The following WWOX variants were observed in gnomAD, a reference collection of about 807,000 sequenced individuals.
The protein encoded by WWOX is WW domain-containing oxidoreductase.
A neutral mutation model predicts 46.2 loss-of-function variants in WWOX; 69 were observed. The ratio of observed to expected loss-of-function variants is 1.49; its 90% CI spans 1.23 to 1.82. The LOEUF (loss-of-function observed/expected upper bound fraction) is 1.82. Ranked by LOEUF, WWOX falls within the 40% of genes most tolerant of loss-of-function variation. WWOX has a pLI of 0.00. For missense variants in WWOX, 919 were observed against 542.6 expected, an observed-to-expected ratio of 1.69 and a Z score of -6.89; for synonymous variants, 359 against 202.6, an observed-to-expected ratio of 1.77 and a Z score of -6.56.
At chr16:78,107,517 G>T (rs139200027) in intron 1 of WWOX, among the ~76,000 whole-genome samples, 1 of 152,212 alleles carries the variant, frequency 6.6e-6, no homozygotes, top group Non-Finnish European at 1.5e-5. Flanking sequence ...TTTTGCAGAT[G>T]AGGGGATGGA....
At chr16:78,379,192 T>C (rs6564534) in intron 5 of WWOX, among the ~76,000 whole-genome samples, 13,837 of 152,266 alleles carry the variant, frequency 0.091, 896 homozygotes, top group South Asian at 0.17. Flanking sequence ...GATCAATAAA[T>C]ACATGCAAAT....
Position 78,892,449 on chromosome 16 carries a change from G to A in WWOX, c.1057-319159G>A, listed in dbSNP as rs1198437476. On this transcript the variant is annotated intron_variant, in intron 8 of 8. Transcript: ENST00000566780. ...CATGTTGGTGCAAGAGACGTTCTAGGCCTGGTTCTACCTCTAGTTGGAACG... is the reference window on the plus strand; with the variant it reads ...CATGTTGGTGCAAGAGACGTTCTAGACCTGGTTCTACCTCTAGTTGGAACG... The A allele has an allele frequency of 2.6e-5, 4 of 152,284 alleles. No homozygotes were observed. In the East Asian group the frequency reaches 7.7e-4, roughly 29 times the overall value. The allele number at this position is 152,284 out of a possible 1,614,324, so 9.4% of individuals were successfully genotyped here. A position where few individuals can be genotyped will look rare whatever the true frequency, so the allele number is the denominator to read the frequency against.
chr16:78,954,810 G>A (rs1199725731), intron 8 of WWOX, among the ~76,000 whole-genome samples: 1 of 152,066 alleles, frequency 6.6e-6, no homozygotes, highest in Admixed American at 6.6e-5. Flanking sequence ...TGTTTTTTGA[G>A]ACAGAGTCTC....
chr16:78,885,796 C>T (rs530019806), intron 8 of WWOX, among the ~76,000 whole-genome samples: 2 of 151,976 alleles, frequency 1.3e-5, no homozygotes, highest in Non-Finnish European at 2.9e-5. Flanking sequence ...GGATTCTTCC[C>T]CCTTCTTACT....
intron 5 of WWOX, among the ~76,000 whole-genome samples, chr16:78,345,210 G>A (rs145778568): frequency 1.7e-5 from 2 of 117,174 alleles, no homozygotes; most frequent in East Asian, 2.0e-4. Context: ...CAGAACATCT[G>A]CACAATCTCC....
intron 4 of WWOX, among the ~76,000 whole-genome samples, chr16:78,136,209 A>T (rs919646939): frequency 6.6e-6 from 1 of 152,236 alleles, no homozygotes; most frequent in African/African-American, 2.4e-5. Flanking sequence ...AAAAGGTTCA[A>T]TAATGATTAC....
intron 4 of WWOX, among the ~76,000 whole-genome samples, chr16:78,141,767 A>G (rs143082858): frequency 7.2e-5 from 11 of 152,232 alleles, no homozygotes; most frequent in African/African-American, 2.6e-4. Context: ...TTTTTTGGAT[A>G]GAAATTTATC....
rs141772469 is a variant in WWOX at position 78,313,552 on chromosome 16, G to C, written c.517-73308G>C. 4.7e-3 allele frequency among the ~76,000 whole-genome samples: 722 copies of C among 152,298 alleles called. 2 individuals are homozygous for C. Among genetic ancestry groups the C allele is most frequent in the African/African-American group, 0.016 (685 of 41,560 alleles). On this transcript the variant is annotated intron_variant, in intron 5 of 8. Coordinates refer to ENST00000566780, the MANE Select transcript of WWOX (RefSeq NM_016373.4). ...AGCTAATTTTTGTGTTTTTAGTAGA[G>C]ACGGGGTTTCTCCATGTTGGTCAGG...
At chr16:78,947,059 C>CT (rs5818193) in intron 8 of WWOX, among the ~76,000 whole-genome samples, 89,101 of 148,530 alleles carry the variant, frequency 0.6, 28,962 homozygotes, top group East Asian at 0.86. Flanking sequence ...AAGAAAGTTT[C>CT]TTTTTTTAAA....
At chr16:78,568,614 T>C (rs1039690278) in intron 8 of WWOX, among the ~76,000 whole-genome samples, 1 of 151,928 alleles carries the variant, frequency 6.6e-6, no homozygotes, top group Non-Finnish European at 1.5e-5. Context: ...TAGCTGGGAT[T>C]ACAGGCACCC....
chr16:78,363,314 C>G (rs969544973), intron 5 of WWOX, among the ~76,000 whole-genome samples: 1 of 151,468 alleles, frequency 6.6e-6, no homozygotes, highest in African/African-American at 2.4e-5. Flanking sequence ...TAATATGTCA[C>G]CCAGGCTGCA....
intron 6 of WWOX, among the ~76,000 whole-genome samples, chr16:78,413,052 A>T (rs1161169454): frequency 2.0e-5 from 3 of 152,192 alleles, no homozygotes; most frequent in Non-Finnish European, 4.4e-5. Context: ...AGGAAAATGT[A>T]ACCACCTAAT....
chr16:78,575,043 ATATATATAT>A (rs2044831388), intron 8 of WWOX, among the ~76,000 whole-genome samples: 1 of 5,498 alleles, frequency 1.8e-4, no homozygotes, highest in Non-Finnish European at 3.4e-4. Context: ...ATATATATAT[ATATATATAT>A]ATATATATAT....
chr16:78,307,931 A>C (rs558216097), intron 5 of WWOX, among the ~76,000 whole-genome samples: 1 of 152,314 alleles, frequency 6.6e-6, no homozygotes, highest in African/African-American at 2.4e-5. Context: ...GTTAAGCACC[A>C]TGCCATTCAC....
intron 8 of WWOX, among the ~76,000 whole-genome samples, chr16:78,813,603 C>CTG (rs1161131125): frequency 6.6e-6 from 1 of 151,944 alleles, no homozygotes. Context: ...GTGTGAGCTC[C>CTG]TGTGTGTGTG....
intron 8 of WWOX, among the ~76,000 whole-genome samples, chr16:79,076,840 A>G (rs1002779835): frequency 2.6e-5 from 4 of 152,242 alleles, no homozygotes; most frequent in Non-Finnish European, 1.5e-5. Context: ...CATGTGAATA[A>G]CAACAATGGC....
intron 8 of WWOX, among the ~76,000 whole-genome samples, chr16:79,148,862 G>C (rs938797115): frequency 6.6e-6 from 1 of 152,100 alleles, no homozygotes; most frequent in African/African-American, 2.4e-5. Flanking sequence ...TGTTGATCTT[G>C]ATCCTATGAG....
At chr16:78,871,077 C>A (rs1271476226) in intron 8 of WWOX, among the ~76,000 whole-genome samples, 1 of 151,796 alleles carries the variant, frequency 6.6e-6, no homozygotes, top group Non-Finnish European at 1.5e-5. Context: ...CCCTATAGCT[C>A]ATAGAAGCAA....
At chr16:78,756,987 G>GGT in intron 8 of WWOX, 1 of 702,938 alleles carries the variant, frequency 1.4e-6, no homozygotes, top group South Asian at 1.5e-5. Flanking sequence ...TACCCGTGTA[G>GGT]AAGAACTGAG....
Sources: allele counts gnomAD v4.1 joint callset (sites outside exome capture counted in the v4.1 genomes callset), GRCh38; gene constraint gnomAD v4.1.1; transcripts MANE v1.5; gene names NCBI Gene and HGNC (gene_info 2026-07-23, HGNC 2026-07-21).